The following ERC2 variants were observed in gnomAD, a reference collection of about 807,000 sequenced individuals.
ERC2 encodes ERC protein 2.
A neutral mutation model predicts 114.8 loss-of-function variants in ERC2; 42 were observed. The ratio of observed to expected loss-of-function variants is 0.37; its 90% confidence interval spans 0.29 to 0.47. The LOEUF (loss-of-function observed/expected upper bound fraction) is 0.47. ERC2 is among the 20% of genes least tolerant of loss of function. ERC2 has a pLI of 0.99. For missense variants in ERC2, 939 were observed against 1,150.7 expected (o/e 0.82, Z 2.66); for synonymous variants, 454 against 425.5 (o/e 1.07, Z -0.82).
intron 17 of ERC2, among the ~76,000 whole-genome samples, chr3:55,637,042 C>T (rs747887859): frequency 6.6e-6 from 1 of 152,212 alleles, no homozygotes; most frequent in Non-Finnish European, 1.5e-5. Flanking sequence ...CCGTTCACTC[C>T]TGTCTTCCTG....
In ERC2 at chr3:56,124,217, G is replaced by A. The variant is rs376536553; in HGVS notation, c.1473+15292C>T. Among the ~76,000 whole-genome samples, 8 of 152,258 alleles carry A rather than the reference G, an allele frequency of 5.3e-5. No homozygotes were observed. The East Asian group carries it at 9.7e-4, about 18-fold the overall frequency. On this transcript the variant is annotated intron_variant, in intron 6 of 17. Transcript: ENST00000288221. ...GTTAAATTGCATTAATGCCATTAGTGACTTCATTCTACTGATTTTTCCAAT... is the reference window on the plus strand; with the variant it reads ...GTTAAATTGCATTAATGCCATTAGTAACTTCATTCTACTGATTTTTCCAAT...
chr3:56,357,881 A>C (rs975781350), intron 2 of ERC2, among the ~76,000 whole-genome samples: 2 of 150,878 alleles, frequency 1.3e-5, no homozygotes, highest in African/African-American at 4.9e-5. Flanking sequence ...TATGGCCCCC[A>C]CTCCAGGTGT....
chr3:56,150,304 T>C (rs1433003000), intron 4 of ERC2, among the ~76,000 whole-genome samples: 1 of 152,190 alleles, frequency 6.6e-6, no homozygotes, highest in African/African-American at 2.4e-5. Context: ...TTTGTGGCTA[T>C]TGTCTACTTT....
At chr3:56,121,711 T>G (rs1185010044) in intron 6 of ERC2, among the ~76,000 whole-genome samples, 1 of 152,212 alleles carries the variant, frequency 6.6e-6, no homozygotes, top group Non-Finnish European at 1.5e-5. Flanking sequence ...AAAGTCTCAT[T>G]AAACCTATGC....
chr3:56,139,566 T>A lies in ERC2; in HGVS notation c.1416A>T (p.Glu472Asp). 6.2e-7 allele frequency: 1 copy of A among 1,614,040 alleles called. No individual in the cohort carries two copies. The highest frequency in any genetic ancestry group is 8.5e-7 in the Non-Finnish European group (1 of 1,179,974). The change falls in exon 6 of 18, where the codon GAA becomes GAT. Residue 472 changes from glutamate to aspartate, a missense_variant. Glu to Asp is a conservative substitution (Grantham distance 45). Coordinates refer to ENST00000288221, the MANE Select transcript of ERC2 (RefSeq NM_015576.3). Reference protein sequence around the residue: ...NQNSDCKQHIEVLKESLTAKE... With the variant: ...NQNSDCKQHIDVLKESLTAKE... Reference sequence around the variant, plus strand: ...TGGCAGTAAGTGACTCTTTGAGCACTTCAATGTGTTGCTTGCAATCTGAAT... The same window carrying A: ...TGGCAGTAAGTGACTCTTTGAGCACATCAATGTGTTGCTTGCAATCTGAAT...
intron 7 of ERC2, among the ~76,000 whole-genome samples, chr3:56,061,015 T>G (rs2076223139): frequency 6.6e-6 from 1 of 152,236 alleles, no homozygotes; most frequent in African/African-American, 2.4e-5. Context: ...AACCTCCACT[T>G]GCCTGCTCAA....
chr3:56,018,904 A>T lies in ERC2; in HGVS notation c.1769T>A (p.Leu590Gln). Residue 590 changes from leucine (L) to glutamine (Q), a missense_variant, in exon 8 of 18, where the codon CTG becomes CAG. By Grantham distance (113) the Leu-to-Gln change is moderately radical (BLOSUM62 -2). This residue lies in a region of ERC2 where 149 missense variants were observed against 254.6 expected (regional missense o/e 0.59). Transcript: ENST00000288221. Reference protein sequence around the residue: ...DTALATLEEALSEKERIIERL... With the variant: ...DTALATLEEAQSEKERIIERL... ...TGAGTGCATGCTCACCTTCTCTGAC[A>T]GAGCTTCCTCTAGCGTCGCCAGTGC... The T allele has an allele frequency of 6.2e-7, 1 of 1,611,530 alleles. No homozygotes were observed. The highest frequency in any genetic ancestry group is 8.5e-7 in the Non-Finnish European group (1 of 1,178,962).
chr3:56,413,792 C>T (rs1027857994), intron 2 of ERC2, among the ~76,000 whole-genome samples: 1 of 152,146 alleles, frequency 6.6e-6, no homozygotes, highest in Admixed American at 6.5e-5. Flanking sequence ...TGAAGAATAA[C>T]AAGAACATGA....
In ERC2 at chr3:55,825,269, T is replaced by C. The variant is rs112636374; in HGVS notation, c.2564+63120A>G. Among the ~76,000 whole-genome samples, 486 of 152,320 alleles carry C rather than the reference T, an allele frequency of 3.2e-3. 4 individuals carry two copies. Among genetic ancestry groups the C allele is most frequent in the African/African-American group, 0.011 (462 of 41,572 alleles). On this transcript the variant is annotated intron_variant, in intron 14 of 17. Coordinates refer to ENST00000288221, the MANE Select transcript of ERC2 (RefSeq NM_015576.3). ...AAATACTCCTCCTCCATTTTATACC[T>C]GAGTCTTGGGCTGGCATTTTCCAAC...
intron 2 of ERC2, among the ~76,000 whole-genome samples, chr3:56,430,059 A>G (rs1290439377): frequency 6.6e-6 from 1 of 152,196 alleles, no homozygotes; most frequent in Admixed American, 6.5e-5. Context: ...GAGCATTTCA[A>G]TCTCCTTACC....
intron 17 of ERC2, among the ~76,000 whole-genome samples, chr3:55,539,365 C>A (rs377438940): frequency 4.4e-5 from 5 of 113,260 alleles, no homozygotes; most frequent in East Asian, 3.0e-4. Context: ...GACGTATTTT[C>A]TTTTCTTTTA....
intron 14 of ERC2, among the ~76,000 whole-genome samples, chr3:55,861,347 A>G: frequency 6.6e-6 from 1 of 152,212 alleles, no homozygotes; most frequent in African/African-American, 2.4e-5. Flanking sequence ...ATATGCACAT[A>G]GCTCATTGTC....
intron 3 of ERC2, among the ~76,000 whole-genome samples, chr3:56,194,647 C>T (rs1488573969): frequency 6.6e-6 from 1 of 152,184 alleles, no homozygotes; most frequent in African/African-American, 2.4e-5. Flanking sequence ...ACTTAGGCTA[C>T]ACTGACTTTA....
chr3:56,377,863 A>G (rs1164270654), intron 2 of ERC2, among the ~76,000 whole-genome samples: 1 of 142,902 alleles, frequency 7.0e-6, no homozygotes, highest in African/African-American at 2.8e-5. Flanking sequence ...AAAAAAAAAA[A>G]CAAAAAACAA....
chr3:55,684,094 C>T (rs2062202288), intron 16 of ERC2, among the ~76,000 whole-genome samples: 1 of 152,122 alleles, frequency 6.6e-6, no homozygotes, highest in Admixed American at 6.5e-5. Context: ...AACATTCCAC[C>T]CACCCAGCTC....
At chr3:56,180,272 C>T (rs1282396576) in intron 3 of ERC2, among the ~76,000 whole-genome samples, 1 of 152,080 alleles carries the variant, frequency 6.6e-6, no homozygotes, top group African/African-American at 2.4e-5. Context: ...TGTGGAAGAA[C>T]AGGAGGAGAG....
chr3:56,031,665 C>G (rs779214678), intron 7 of ERC2, among the ~76,000 whole-genome samples: 92 of 152,200 alleles, frequency 6.0e-4, no homozygotes, highest in Non-Finnish European at 1.3e-3. Context: ...AAATGACTAT[C>G]TGTAAACTGA....
chr3:56,069,976 A>T (rs1168881969), intron 7 of ERC2, among the ~76,000 whole-genome samples: 1 of 152,192 alleles, frequency 6.6e-6, no homozygotes, highest in Non-Finnish European at 1.5e-5. Context: ...GAAAAATGCT[A>T]TTACCCACAG....
chr3:55,831,929 A>G (rs186408822), intron 14 of ERC2, among the ~76,000 whole-genome samples: 9 of 152,360 alleles, frequency 5.9e-5, no homozygotes, highest in Admixed American at 5.9e-4. Context: ...AACGGGCTTA[A>G]AAAACGGCAC....
Sources: allele counts gnomAD v4.1 joint callset (sites outside exome capture counted in the v4.1 genomes callset), GRCh38; gene constraint gnomAD v4.1.1; regional missense constraint gnomAD v4.1.1; transcripts MANE v1.5; gene names NCBI Gene and HGNC (gene_info 2026-07-23, HGNC 2026-07-21).